The following NUP205 variants were observed in gnomAD, a reference collection of about 807,000 sequenced individuals.
The protein encoded by NUP205 is nucleoporin 205.
Under a neutral mutation model 253.8 loss-of-function variants are expected in NUP205, and 76 were observed. That is an observed-to-expected ratio of 0.30 (90% CI 0.25 to 0.36). NUP205 has a LOEUF of 0.36. NUP205 is among the 10% of genes least tolerant of loss of function. NUP205 has a pLI of 1.00. For missense variants in NUP205, 2,162 were observed against 2,425.5 expected (o/e 0.89, Z 2.28); for synonymous variants, 832 against 850.1 (o/e 0.98, Z 0.37).
chr7:135,576,229 C>G, intron 3 of NUP205, 41 bp from the exon 4 acceptor site: 1 of 1,538,172 alleles, frequency 6.5e-7, no homozygotes, highest in Non-Finnish European at 9.0e-7. Context: ...TAAACACATA[C>G]GTGTTTATTA....
intron 22 of NUP205, among the ~76,000 whole-genome samples, chr7:135,610,495 C>T (rs1306222228): frequency 1.3e-5 from 2 of 152,310 alleles, no homozygotes; most frequent in East Asian, 1.9e-4. Context: ...GCTGAGATTA[C>T]AGGCGTGAGC....
chr7:135,621,435 T>G (rs1399177342), intron 30 of NUP205, among the ~76,000 whole-genome samples: 1 of 152,240 alleles, frequency 6.6e-6, no homozygotes, highest in African/African-American at 2.4e-5. Context: ...AAGTCACCAC[T>G]TAACCACTAG....
intron 1 of NUP205, among the ~76,000 whole-genome samples, chr7:135,569,989 GA>G (rs151108732): frequency 0.025 from 3,640 of 143,934 alleles, 76 homozygotes; most frequent in South Asian, 0.08. Flanking sequence ...TATCTCATTT[GA>G]AAAACTTACA....
At chr7:135,628,653 AT>A (rs1216388165) in intron 34 of NUP205, among the ~76,000 whole-genome samples, 1 of 152,208 alleles carries the variant, frequency 6.6e-6, no homozygotes, top group Non-Finnish European at 1.5e-5. Context: ...TCCAACACAC[AT>A]TTTTTTAAAA....
In NUP205 at chr7:135,619,530, A is replaced by G. The variant is rs1219709091; in HGVS notation, c.4071A>G (p.Thr1357=). 7 of 1,614,118 alleles carry G rather than the reference A, an allele frequency of 4.3e-6. No individual in the cohort carries two copies. Among genetic ancestry groups the G allele is most frequent in the East Asian group, 4.5e-5 (2 of 44,870 alleles). The change falls in exon 29 of 43, where the codon ACA becomes ACG. Residue 1357 remains threonine, a synonymous_variant. Coordinates refer to ENST00000285968, the MANE Select transcript of NUP205 (RefSeq NM_015135.3). ...CCGTCCTCACTGAACAGAAGGAAAC[A>G]TCAGTCTTGGGACCAGCAGAGGCCC... ...SQAVLTEQKE[T]SVLGPAEAHY... is the part of the protein sequence containing the mutation.
chr7:135,594,792 A>G lies in NUP205; in HGVS notation c.2013+63A>G, dbSNP rs1468905548. The G allele has an allele frequency of 2.9e-5, 38 of 1,291,312 alleles. 1 individual carries two copies. In the South Asian group the frequency reaches 4.5e-4, roughly 15 times the overall value. The allele number at this position is 1,291,312 out of a possible 1,614,324, so 80.0% of individuals were successfully genotyped here. A position where few individuals can be genotyped will look rare whatever the true frequency, so the allele number is the denominator to read the frequency against. On this transcript the variant is annotated intron_variant, in intron 13 of 42. Transcript: ENST00000285968. ...GTGGAAAGTTGGGCTTGATAATACC[A>G]TAGAAGCAAGAACATGCAATTGGAA...
intron 1 of NUP205, among the ~76,000 whole-genome samples, chr7:135,566,413 GA>G (rs1805760842): frequency 6.6e-6 from 1 of 152,248 alleles, no homozygotes; most frequent in South Asian, 2.1e-4. Flanking sequence ...TCTTTAATGG[GA>G]AGTATGTCTG....
At chr7:135,643,065 G>T in intron 38 of NUP205, 127 bp from the exon 39 acceptor site, 1 of 760,920 alleles carries the variant, frequency 1.3e-6, no homozygotes, top group Non-Finnish European at 2.1e-6. Flanking sequence ...AGTAATCTTG[G>T]GTTGGTTTTA....
In NUP205 at chr7:135,591,616, A is replaced by T; in HGVS notation, c.1624+16A>T. On this transcript the variant is annotated intron_variant, in intron 11 of 42. Coordinates refer to ENST00000285968, the MANE Select transcript of NUP205 (RefSeq NM_015135.3). The stretch of plus-strand genomic sequence containing the variant: ...AGTAGTCATGGTAAGGAATATGTGG[A>T]TGTTGTTAAAGTTTGTTGTTATACT... 2 of 1,605,276 alleles carry T rather than the reference A, an allele frequency of 1.2e-6. No homozygotes were observed. The highest frequency in any genetic ancestry group is 1.7e-6 in the Non-Finnish European group (2 of 1,177,470).
intron 1 of NUP205, among the ~76,000 whole-genome samples, chr7:135,570,676 T>C (rs1184481740): frequency 3.4e-5 from 4 of 118,692 alleles, no homozygotes; most frequent in Non-Finnish European, 4.9e-5. Context: ...ATAATTAATA[T>C]ATATTAATTA....
intron 12 of NUP205, 121 bp from the exon 13 acceptor site, chr7:135,594,426 T>C (rs1793771444): frequency 5.2e-6 from 3 of 574,500 alleles, no homozygotes; most frequent in Non-Finnish European, 8.7e-6. Flanking sequence ...GGCTTATTTT[T>C]GTTTTAGTAT....
At chr7:135,623,725 A>G (rs189806515) in intron 31 of NUP205, among the ~76,000 whole-genome samples, 112 of 152,356 alleles carry the variant, frequency 7.4e-4, no homozygotes, top group African/African-American at 2.6e-3. Context: ...TGAAGACCAT[A>G]GGAAATAGGA....
At chr7:135,633,565 T>G (rs759397077) in intron 35 of NUP205, among the ~76,000 whole-genome samples, 1 of 152,338 alleles carries the variant, frequency 6.6e-6, no homozygotes, top group Non-Finnish European at 1.5e-5. Context: ...TATGCATTCA[T>G]GAACATTTTT....
Position 135,619,609 on chromosome 7 carries a change from C to T in NUP205, c.4150C>T (p.Pro1384Ser), listed in dbSNP as rs1794432173. ...CFTSPPPEENPLVGFASIGDS... is the reference protein window; with the variant it reads ...CFTSPPPEENSLVGFASIGDS... ...CACCTCACCTCCTCCTGAAGAGAAC[C>T]CATTAGTGGGTTTTGCTTCTATTGG... Residue 1384 changes from proline to serine, a missense_variant, in exon 29 of 43, where the codon CCA (proline) becomes TCA (serine). Coordinates refer to ENST00000285968, the MANE Select transcript of NUP205 (RefSeq NM_015135.3). 1 of 1,613,984 alleles carries T rather than the reference C, an allele frequency of 6.2e-7. No homozygotes were observed. Among genetic ancestry groups the T allele is most frequent in the Admixed American group, 1.7e-5 (1 of 59,998 alleles).
At chr7:135,596,923 C>A (rs576356309) in intron 13 of NUP205, among the ~76,000 whole-genome samples, 2 of 149,332 alleles carry the variant, frequency 1.3e-5, no homozygotes, top group African/African-American at 5.0e-5. Flanking sequence ...TGCCACTGTA[C>A]TCCAGCTTGG....
At chr7:135,569,205 G>T (rs1805874380) in intron 1 of NUP205, among the ~76,000 whole-genome samples, 1 of 152,098 alleles carries the variant, frequency 6.6e-6, no homozygotes, top group Non-Finnish European at 1.5e-5. Context: ...TGAGTAGCTG[G>T]GATTACAGGC....
chr7:135,620,237 C>G (rs772654212), intron 30 of NUP205, among the ~76,000 whole-genome samples: 10 of 152,102 alleles, frequency 6.6e-5, no homozygotes, highest in Non-Finnish European at 1.3e-4. Context: ...CTAGTTGATT[C>G]TTTTAAAATA....
chr7:135,616,655 A>G lies in NUP205; in HGVS notation c.3461A>G (p.Asp1154Gly), dbSNP rs1446633846. 7.2e-6 allele frequency: 11 copies of G among 1,536,918 alleles called. No homozygotes were observed. Among genetic ancestry groups the G allele is most frequent in the Non-Finnish European group, 9.6e-6 (11 of 1,141,752 alleles). ...LDDMPVKPYS[D>G]GEGGIEDENR... Reference sequence around the variant, plus strand: ...TTCAATATTATTGATATTCCAACAGATGGTGAAGGAGGAATAGAAGATGAA... The same window carrying G: ...TTCAATATTATTGATATTCCAACAGGTGGTGAAGGAGGAATAGAAGATGAA... Residue 1154 changes from aspartate (D) to glycine (G), a missense_variant and splice_region_variant, in exon 25 of 43, where the codon GAT (aspartate) becomes GGT (glycine). This residue lies in a region of NUP205 where 1,144 missense variants were observed against 1,280.9 expected (regional missense o/e 0.89). Coordinates refer to ENST00000285968, the MANE Select transcript of NUP205 (RefSeq NM_015135.3).
Position 135,606,766 on chromosome 7 carries a change from A to C in NUP205, c.2921A>C (p.Lys974Thr), listed in dbSNP as rs748485777. The C allele has an allele frequency of 6.2e-7, 1 of 1,613,790 alleles. No individual in the cohort carries two copies. The highest frequency in any genetic ancestry group is 1.1e-5 in the South Asian group (1 of 91,050). ...CTGCATTAAGGATCAGAACTTGAAAAGAAATTAGTTGCAATTCGTCATGAA... is the reference window on the plus strand; with the variant it reads ...CTGCATTAAGGATCAGAACTTGAAACGAAATTAGTTGCAATTCGTCATGAA... The part of the protein sequence containing the change: ...VRLEEGSELE[K>T]KLVAIRHETR... Residue 974 changes from lysine (K) to threonine (T), a missense_variant, in exon 21 of 43, where the codon AAG becomes ACG. Lys to Thr is a moderately conservative substitution (Grantham distance 78). Coordinates refer to ENST00000285968, the MANE Select transcript of NUP205 (RefSeq NM_015135.3).
Sources: gnomAD v4.1 joint callset for allele counts (sites outside exome capture counted in the v4.1 genomes callset) on GRCh38, gnomAD v4.1.1 for gene constraint, gnomAD v4.1.1 regional missense constraint, MANE v1.5 for transcripts, NCBI Gene and HGNC (gene_info 2026-07-23, HGNC 2026-07-21) for gene names.